The following ROBO2 variants were observed in gnomAD, a reference collection of about 807,000 sequenced individuals.
ROBO2 encodes the protein roundabout homolog 2.
A neutral mutation model predicts 160.8 loss-of-function variants in ROBO2; 53 were observed. The ratio of observed to expected loss-of-function variants is 0.33; its 90% CI spans 0.26 to 0.41. ROBO2 has a LOEUF of 0.41. Ranked by LOEUF, ROBO2 falls within the 10% of genes least tolerant of loss-of-function variation. ROBO2 has a pLI of 1.00. For missense variants in ROBO2, 1,577 were observed against 1,722.4 expected (o/e 0.92, Z 1.49); for synonymous variants, 664 against 611.7 (o/e 1.09, Z -1.26).
At chr3:77,404,640 GA>G (rs1397261555) in intron 2 of ROBO2, among the ~76,000 whole-genome samples, 1 of 152,132 alleles carries the variant, frequency 6.6e-6, no homozygotes, top group East Asian at 1.9e-4. Flanking sequence ...TTTTACAGGG[GA>G]CATATGGATA....
chr3:77,558,018 T>C (rs1582931339), exon 9 of ROBO2: 3 of 1,613,140 alleles, frequency 1.9e-6, no homozygotes, highest in South Asian at 1.1e-5. Flanking sequence ...TGGTACAGCG[T>C]TACTGAAATG....
At chr3:76,694,225 C>T (rs1050214050) in intron 2 of ROBO2, among the ~76,000 whole-genome samples, 4 of 152,074 alleles carry the variant, frequency 2.6e-5, no homozygotes, top group Admixed American at 1.3e-4. Context: ...ATTAAATGGG[C>T]GTTTTTCTTT....
At chr3:76,395,910 C>G (rs985665578) in intron 2 of ROBO2, among the ~76,000 whole-genome samples, 8 of 152,156 alleles carry the variant, frequency 5.3e-5, no homozygotes, top group Non-Finnish European at 7.3e-5. Context: ...GGAACTGGTA[C>G]TATTCCTTCT....
At chr3:76,903,933 G>GAAAAGAAAAAGAAAAAGA (rs61076061) in intron 2 of ROBO2, among the ~76,000 whole-genome samples, 6 of 149,620 alleles carry the variant, frequency 4.0e-5, no homozygotes, top group African/African-American at 1.5e-4. Context: ...TACTTGGGAA[G>GAAAAGAAAAAGAAAAAGA]AAAAGAAAAA....
intron 2 of ROBO2, among the ~76,000 whole-genome samples, chr3:77,336,361 G>A (rs948393138): frequency 6.6e-6 from 1 of 152,112 alleles, no homozygotes; most frequent in Non-Finnish European, 1.5e-5. Flanking sequence ...AAGTCAAGAG[G>A]GGCCTGTTTG....
At position 76,100,636 on chromosome 3, in the gene ROBO2, T is replaced by A. The variant is rs375662040; in HGVS notation, c.109+163034T>A. On this transcript the variant is annotated intron_variant, in intron 2 of 26. Coordinates refer to the ROBO2 transcript ENST00000487694. ...GGAAAATATAAAAGGAAAAAGATGA[T>A]CCTGGCATAAAATATGCACTGAAGC... 9.2e-5 allele frequency among the ~76,000 whole-genome samples: 14 copies of A among 152,322 alleles called. No individual in the cohort carries two copies. The East Asian group carries it at 1.9e-3, about 21-fold the overall frequency.
At chr3:76,745,442 A>G (rs1460695785) in intron 2 of ROBO2, among the ~76,000 whole-genome samples, 1 of 152,174 alleles carries the variant, frequency 6.6e-6, no homozygotes, top group Non-Finnish European at 1.5e-5. Flanking sequence ...AGATAATCCT[A>G]GAATGATATG....
intron 2 of ROBO2, chr3:77,317,378 G>C (rs527922758): frequency 5.4e-5 from 55 of 1,016,084 alleles, no homozygotes; most frequent in Non-Finnish European, 8.2e-5. Context: ...GTGTATTGTC[G>C]GGGTTCCATT....
intron 2 of ROBO2, among the ~76,000 whole-genome samples, chr3:76,322,553 C>G (rs1211871201): frequency 6.6e-6 from 1 of 151,800 alleles, no homozygotes; most frequent in Non-Finnish European, 1.5e-5. Context: ...TTGAAGAATC[C>G]TAGGCAAGTG....
At chr3:76,638,295 C>A (rs1023162382) in intron 2 of ROBO2, among the ~76,000 whole-genome samples, 4 of 152,116 alleles carry the variant, frequency 2.6e-5, no homozygotes, top group African/African-American at 9.7e-5. Flanking sequence ...ATTTGATTAT[C>A]TGATAGTCCT....
intron 2 of ROBO2, among the ~76,000 whole-genome samples, chr3:77,424,877 A>G (rs762511175): frequency 2.0e-5 from 3 of 152,190 alleles, no homozygotes; most frequent in Non-Finnish European, 4.4e-5. Context: ...GCACAGTATG[A>G]CATCTACAGG....
At chr3:77,534,061 G>A (rs79031099) in intron 6 of ROBO2, among the ~76,000 whole-genome samples, 173 of 152,214 alleles carry the variant, frequency 1.1e-3, no homozygotes, top group African/African-American at 4.1e-3. Context: ...TGTGCAACTG[G>A]TATTGATAAA....
intron 2 of ROBO2, among the ~76,000 whole-genome samples, chr3:77,321,145 A>G (rs1295758212): frequency 2.0e-5 from 3 of 152,110 alleles, no homozygotes; most frequent in African/African-American, 4.8e-5. Context: ...TCCATAATTT[A>G]TCAAAGGAGT....
intron 2 of ROBO2, chr3:76,435,317 C>T (rs1294774094): frequency 1.2e-6 from 1 of 851,520 alleles, no homozygotes; most frequent in African/African-American, 1.7e-5. Context: ...AGATGAACAC[C>T]CTCATTCCTA....
rs938591877 is a variant in ROBO2 at position 75,931,323 on chromosome 3, A to T, written c.-13-6158A>T. Among the ~76,000 whole-genome samples the T allele has an allele frequency of 3.9e-5, 6 of 152,210 alleles. No individual in the cohort carries two copies. In the East Asian group the frequency reaches 5.8e-4, roughly 15 times the overall value. Reference sequence around the variant, plus strand: ...ATATTCTCACTTGAAAGAAGTAGTTAGAATCTGTATAATCCAAATTAATAT... The same window carrying T: ...ATATTCTCACTTGAAAGAAGTAGTTTGAATCTGTATAATCCAAATTAATAT... On this transcript the variant is annotated intron_variant, in intron 1 of 26. Transcript: ENST00000487694.
At chr3:76,369,993 A>G (rs2076024602) in intron 2 of ROBO2, among the ~76,000 whole-genome samples, 1 of 152,000 alleles carries the variant, frequency 6.6e-6, no homozygotes, top group Non-Finnish European at 1.5e-5. Flanking sequence ...TTAAAACTGC[A>G]GATAGACACT....
chr3:76,105,431 G>C (rs1359578667), intron 2 of ROBO2, among the ~76,000 whole-genome samples: 1 of 152,134 alleles, frequency 6.6e-6, no homozygotes, highest in Non-Finnish European at 1.5e-5. Context: ...CCTGAGGCTT[G>C]TAGCATATTA....
At chr3:77,117,013 G>A (rs1473005160) in intron 2 of ROBO2, among the ~76,000 whole-genome samples, 1 of 152,142 alleles carries the variant, frequency 6.6e-6, no homozygotes, top group Non-Finnish European at 1.5e-5. Context: ...ATTTTGTTCA[G>A]ATTTAATAAG....
At chr3:76,151,697 C>A (rs2072210757) in intron 2 of ROBO2, among the ~76,000 whole-genome samples, 1 of 152,226 alleles carries the variant, frequency 6.6e-6, no homozygotes, top group Admixed American at 6.5e-5. Context: ...GTTCCATAGC[C>A]TTTCCTCAAA....
Sources: allele counts gnomAD v4.1 joint callset (sites outside exome capture counted in the v4.1 genomes callset), GRCh38; gene constraint gnomAD v4.1.1; transcripts MANE v1.5; gene names NCBI Gene and HGNC (gene_info 2026-07-23, HGNC 2026-07-21).